The following C6orf62 variants were observed in gnomAD, a reference collection of about 807,000 sequenced individuals.
The protein encoded by C6orf62 is chromosome 6 open reading frame 62.
Under a neutral mutation model 26.8 loss-of-function variants are expected in C6orf62, and 16 were observed. The ratio of observed to expected loss-of-function variants is 0.60; its 90% confidence interval spans 0.40 to 0.91. The LOEUF (loss-of-function observed/expected upper bound fraction) is 0.91. C6orf62 is among the 40% of genes least tolerant of loss of function. C6orf62 has a pLI of 0.00. For missense variants in C6orf62, 192 were observed against 271.4 expected (o/e 0.71, Z 2.06); for synonymous variants, 112 against 91.5 (o/e 1.22, Z -1.28).
Position 24,718,578 on chromosome 6 carries a change from C to T in C6orf62, c.91G>A (p.Asp31Asn). ...ACAAAGGCAATATACATCTTGAAGT[C>T]AAACTGGTCAGCTAGAGATTCTTTT... is the stretch of plus-strand genomic sequence containing the variant. ...KKKESLADQFDFKMYIAFVFK... is the reference protein window; with the variant it reads ...KKKESLADQFNFKMYIAFVFK... The change falls in exon 1 of 5, where the codon GAC becomes AAC. Residue 31 changes from aspartate (D) to asparagine (N), a missense_variant. By Grantham distance (23) the Asp-to-Asn change is conservative. Transcript: ENST00000378119. The T allele has an allele frequency of 6.2e-7, 1 of 1,613,856 alleles. No individual in the cohort carries two copies. The highest frequency in any genetic ancestry group is 8.5e-7 in the Non-Finnish European group (1 of 1,179,826).
chr6:24,720,698 C>G (rs1779341057), upstream of C6orf62: 1 of 152,464 alleles, frequency 6.6e-6, no homozygotes, highest in South Asian at 2.0e-4. Context: ...CAGGAAAGGT[C>G]GAGGAGACCC....
rs2294685 is a variant in C6orf62, at chr6:24,709,065, A to T, written c.430-154T>A. On this transcript the variant is annotated intron_variant, in intron 3 of 4. Coordinates refer to ENST00000378119, the MANE Select transcript of C6orf62 (RefSeq NM_030939.5). ...AATTTTGGCAAACCCACAGCCAATA[A>T]TATCACAGGCAAAATTTAGATTAAA... 6,612 of 985,384 alleles carry T rather than the reference A, an allele frequency of 6.7e-3. 32 individuals are homozygous for T. The highest frequency in any genetic ancestry group is 0.017 in the East Asian group (151 of 8,824). 61.0% of individuals were successfully genotyped at this position (985,384 alleles called of 1,614,324 possible).
chr6:24,706,582 G>T (rs1779013465), intron 4 of C6orf62, among the ~76,000 whole-genome samples: 1 of 152,168 alleles, frequency 6.6e-6, no homozygotes, highest in Non-Finnish European at 1.5e-5. Context: ...AGCAGATGTG[G>T]TAAGAATAGA....
chr6:24,719,822 C>A, upstream of C6orf62: 3 of 752,444 alleles, frequency 4.0e-6, no homozygotes, highest in South Asian at 1.5e-5. Flanking sequence ...CCCCGCAGGT[C>A]CCACCCCCAC....
intron 1 of C6orf62, among the ~76,000 whole-genome samples, chr6:24,718,125 A>G (rs757718550): frequency 6.6e-6 from 1 of 152,254 alleles, no homozygotes; most frequent in Non-Finnish European, 1.5e-5. Context: ...TACATTACGC[A>G]GTTTAAGAAA....
upstream of C6orf62, chr6:24,719,691 A>C (rs1046940060): frequency 1.3e-5 from 19 of 1,481,830 alleles, no homozygotes; most frequent in Admixed American, 1.2e-4. Context: ...TTCCCTGTGG[A>C]TCTGCCCCCG....
upstream of C6orf62, chr6:24,719,548 G>C: frequency 1.7e-6 from 2 of 1,200,528 alleles, no homozygotes; most frequent in Non-Finnish European, 1.0e-6. Context: ...CTGCCAAGGA[G>C]AATCATGACG....
At chr6:24,714,490 A>C in intron 2 of C6orf62, 50 bp from the exon 3 acceptor site, 1 of 1,405,256 alleles carries the variant, frequency 7.1e-7, no homozygotes, top group South Asian at 1.4e-5. Context: ...AAACAGCTAC[A>C]TCAAGCCATG....
At chr6:24,712,044 A>G (rs939838389) in intron 3 of C6orf62, among the ~76,000 whole-genome samples, 5 of 152,102 alleles carry the variant, frequency 3.3e-5, no homozygotes, top group African/African-American at 1.2e-4. Flanking sequence ...GTTTCTTCCT[A>G]TCTACCCAGT....
chr6:24,715,700 T>G (rs1320628681), intron 2 of C6orf62, among the ~76,000 whole-genome samples: 1 of 151,620 alleles, frequency 6.6e-6, no homozygotes, highest in Admixed American at 6.6e-5. Flanking sequence ...CACAAAAAAT[T>G]AGCCAGGCAT....
At chr6:24,720,538 T>C (rs1779336660), upstream of C6orf62, 2 of 306,348 alleles carry the variant, frequency 6.5e-6, no homozygotes, top group Non-Finnish European at 9.7e-6. Flanking sequence ...AAGAGAAAGA[T>C]GGGGAGTTGG....
At chr6:24,714,674 G>A (rs1189260112) in intron 2 of C6orf62, among the ~76,000 whole-genome samples, 4 of 152,106 alleles carry the variant, frequency 2.6e-5, no homozygotes, top group Admixed American at 2.0e-4. Context: ...GGAGTGCAAT[G>A]GTGCAATCTC....
At position 24,708,875 on chromosome 6, in the gene C6orf62, G is replaced by C; in HGVS notation, c.466C>G (p.Gln156Glu). ...FEFHHGDYEK[Q>E]FLHVLSRKDK... ...TTGCGGCTCAGTACATGCAGAAACT[G>C]TTTTTCATAGTCACCATGATGAAAC... is the stretch of plus-strand genomic sequence containing the variant. The change falls in exon 4 of 5, where the codon CAG becomes GAG. Residue 156 changes from glutamine to glutamate, a missense_variant. Gln to Glu is a conservative substitution (Grantham distance 29). Transcript: ENST00000378119. 1 of 1,614,096 alleles carries C rather than the reference G, an allele frequency of 6.2e-7. No homozygotes were observed. The highest frequency in any genetic ancestry group is 2.2e-5 in the East Asian group (1 of 44,874).
At chr6:24,716,024 CA>C in intron 2 of C6orf62, 123 bp downstream of exon 2, 1 of 714,464 alleles carries the variant, frequency 1.4e-6, no homozygotes, top group Non-Finnish European at 2.4e-6. Context: ...GGCACAAAGA[CA>C]AATTTACCTG....
intron 3 of C6orf62, chr6:24,709,299 C>A (rs1422258694): frequency 4.6e-5 from 45 of 985,244 alleles, no homozygotes; most frequent in Non-Finnish European, 5.2e-5. Flanking sequence ...ACTCCACGAT[C>A]ATAAAATTGT....
At chr6:24,709,406 G>T (rs1779076707) in intron 3 of C6orf62, 1 of 974,594 alleles carries the variant, frequency 1.0e-6, no homozygotes, top group African/African-American at 1.9e-5. Flanking sequence ...GTTAATTGCT[G>T]TTTCTAAGAA....
rs780159986 is a variant in C6orf62, at chr6:24,706,247, C to G, written c.580G>C (p.Ala194Pro). 2.5e-6 allele frequency: 4 copies of G among 1,614,112 alleles called. No individual in the cohort carries two copies. Among genetic ancestry groups the G allele is most frequent in the Non-Finnish European group, 3.4e-6 (4 of 1,180,016 alleles). Reference sequence around the variant, plus strand: ...ATGCTGCATAACTTGAAGATTGTAGCTTTGTTTTTTGGAGTCTGGAAGGGG... The same window carrying G: ...ATGCTGCATAACTTGAAGATTGTAGGTTTGTTTTTTGGAGTCTGGAAGGGG... ...RQHLQTPKNK[A>P]TIFKLCSICL... The change falls in exon 5 of 5, where the codon GCT (alanine) becomes CCT (proline). Residue 194 changes from alanine (A) to proline (P), a missense_variant. Transcript: ENST00000378119.
chr6:24,715,339 T>G (rs917338169), intron 2 of C6orf62, among the ~76,000 whole-genome samples: 4 of 152,162 alleles, frequency 2.6e-5, no homozygotes, highest in Non-Finnish European at 5.9e-5. Flanking sequence ...TGCAGAAGTT[T>G]ACAAAGCTGG....
chr6:24,708,116 A>G (rs938893380), intron 4 of C6orf62, among the ~76,000 whole-genome samples: 8 of 152,258 alleles, frequency 5.3e-5, no homozygotes, highest in South Asian at 2.1e-4. Flanking sequence ...CTGAGAGTCT[A>G]TATTTTTAAC....
Sources: gnomAD v4.1 joint callset for allele counts (sites outside exome capture counted in the v4.1 genomes callset) on GRCh38, gnomAD v4.1.1 for gene constraint, MANE v1.5 for transcripts, NCBI Gene and HGNC (gene_info 2026-07-23, HGNC 2026-07-21) for gene names.